The following HSP90AA1 variants were observed in gnomAD, a reference collection of about 807,000 sequenced individuals.
HSP90AA1 encodes heat shock protein HSP 90-alpha.
A neutral mutation model predicts 73.3 loss-of-function variants in HSP90AA1; 18 were observed. The ratio of observed to expected loss-of-function variants is 0.25; its 90% CI spans 0.17 to 0.36. The LOEUF is 0.36. Among genes scored for constraint, HSP90AA1 ranks in the 10% least tolerant of loss-of-function variants. HSP90AA1 has a pLI of 1.00. For synonymous variants in HSP90AA1, 477 were observed against 296.9 expected, an observed-to-expected ratio of 1.61 and a Z score of -6.24; for missense variants, 704 against 874.2, an observed-to-expected ratio of 0.81 and a Z score of 2.45.
chr14:102,111,866 TG>T (rs1365449992), intron 1 of HSP90AA1, among the ~76,000 whole-genome samples: 4 of 152,206 alleles, frequency 2.6e-5, no homozygotes, highest in Non-Finnish European at 5.9e-5. Context: ...TTCCTACTTG[TG>T]TTATGGTTTT....
chr14:102,126,464 C>A (rs1360012566), intron 1 of HSP90AA1, among the ~76,000 whole-genome samples: 1 of 152,136 alleles, frequency 6.6e-6, no homozygotes, highest in East Asian at 1.9e-4. Context: ...AAGAATGGCT[C>A]CTCCTCTCAA....
rs975102386 is a variant in HSP90AA1, at chr14:102,087,022, C to A, written c.-37G>T. ...GACCGCACAGGACCAACGGCACAGC[C>A]ACACCGGGACGCTGAAGCAACTGAC... is the stretch of plus-strand genomic sequence containing the variant. On this transcript the variant is annotated 5_prime_UTR_variant, in exon 1 of 11. Transcript: ENST00000216281. 26 of 985,230 alleles carry A rather than the reference C, an allele frequency of 2.6e-5. No homozygotes were observed. Among genetic ancestry groups the A allele is most frequent in the Non-Finnish European group, 3.0e-5 (25 of 830,068 alleles). 61.0% of individuals were successfully genotyped at this position (985,230 alleles called of 1,614,324 possible).
At chr14:102,102,401 A>G (rs2049506014) in intron 1 of HSP90AA1, among the ~76,000 whole-genome samples, 1 of 152,086 alleles carries the variant, frequency 6.6e-6, no homozygotes, top group Non-Finnish European at 1.5e-5. Flanking sequence ...AAAAACTAGA[A>G]CTTAGTTGTT....
chr14:102,136,856 C>T (rs546722943), intron 1 of HSP90AA1, among the ~76,000 whole-genome samples: 1 of 147,308 alleles, frequency 6.8e-6, no homozygotes, highest in Admixed American at 6.9e-5. Context: ...CCATTGCACT[C>T]AAGCCTGGGG....
At chr14:102,133,727 C>G (rs1267521095) in intron 1 of HSP90AA1, among the ~76,000 whole-genome samples, 1 of 152,116 alleles carries the variant, frequency 6.6e-6, no homozygotes, top group Non-Finnish European at 1.5e-5. Context: ...AGATGATCCG[C>G]CCGCCTCAGC....
At chr14:102,090,242 G>A (rs892874219), upstream of HSP90AA1, among the ~76,000 whole-genome samples, 20 of 152,014 alleles carry the variant, frequency 1.3e-4, no homozygotes, top group African/African-American at 4.1e-4. Context: ...TGGATCTTCT[G>A]CTCACACATT....
exon 2 of HSP90AA1, chr14:102,102,018 A>T (rs374711937): frequency 8.1e-6 from 13 of 1,614,030 alleles, no homozygotes; most frequent in South Asian, 5.5e-5. Flanking sequence ...AGAGTGGTGG[A>T]TCCAGACACC....
intron 1 of HSP90AA1, among the ~76,000 whole-genome samples, chr14:102,137,821 C>T (rs535473289): frequency 1.3e-5 from 2 of 151,674 alleles, no homozygotes; most frequent in East Asian, 3.9e-4. Context: ...TCAAGACCAT[C>T]CTGGCCAACA....
At chr14:102,100,582 T>A (rs1324330416) in intron 2 of HSP90AA1, among the ~76,000 whole-genome samples, 4 of 152,168 alleles carry the variant, frequency 2.6e-5, no homozygotes, top group Non-Finnish European at 5.9e-5. Context: ...TGCACCATCA[T>A]GCCCGCCTAA....
intron 3 of HSP90AA1, 48 bp downstream of exon 3, chr14:102,085,710 C>T (rs878893150): frequency 6.2e-7 from 1 of 1,612,702 alleles, no homozygotes; most frequent in African/African-American, 1.3e-5. Flanking sequence ...GGTTGCAGCA[C>T]CCCACCCTTC....
At chr14:102,091,203 G>A (rs1031379822), upstream of HSP90AA1, among the ~76,000 whole-genome samples, 2 of 152,094 alleles carry the variant, frequency 1.3e-5, no homozygotes, top group African/African-American at 4.8e-5. Flanking sequence ...AGGTGTCTTT[G>A]GTCCCACTGT....
At chr14:102,103,190 A>G (rs1217731003) in intron 1 of HSP90AA1, among the ~76,000 whole-genome samples, 8 of 138,178 alleles carry the variant, frequency 5.8e-5, no homozygotes, top group African/African-American at 2.5e-4. Context: ...CAAAAAAAAA[A>G]AAAAAAAAAA....
At chr14:102,134,390 T>C (rs1198347982) in intron 1 of HSP90AA1, among the ~76,000 whole-genome samples, 3 of 149,116 alleles carry the variant, frequency 2.0e-5, no homozygotes, top group East Asian at 3.9e-4. Context: ...ATTTATGCAG[T>C]AGGTAAGAAA....
chr14:102,118,697 G>A (rs1335282012), intron 1 of HSP90AA1, among the ~76,000 whole-genome samples: 3 of 151,924 alleles, frequency 2.0e-5, no homozygotes, highest in Admixed American at 6.6e-5. Context: ...AGGTGTATTT[G>A]AGTTTGTTTC....
At chr14:102,091,799 AT>A (rs1004883630), upstream of HSP90AA1, among the ~76,000 whole-genome samples, 1 of 151,218 alleles carries the variant, frequency 6.6e-6, no homozygotes, top group African/African-American at 2.4e-5. Context: ...GCTAAATTTT[AT>A]TTTTTTTGTA....
chr14:102,084,748 G>A lies in HSP90AA1; in HGVS notation c.914C>T (p.Thr305Ile), dbSNP rs1401011979. The A allele has an allele frequency of 1.3e-5, 21 of 1,614,038 alleles. No individual in the cohort carries two copies. The highest frequency in any genetic ancestry group is 4.5e-5 in the East Asian group (2 of 44,894). ...ATAGAATTCTCCGTACTCCTCATTA[G>A]TAATATCGTCGGGATTTCTGGTCCA... The part of the protein sequence containing the change: ...PIWTRNPDDI[T>I]NEEYGEFYKS... Residue 305 changes from threonine (T) to isoleucine (I), a missense_variant, in exon 5 of 11, where the codon ACT becomes ATT. Physicochemically the swap from Thr to Ile is moderately conservative, Grantham distance 89. Transcript: ENST00000216281.
In HSP90AA1 at chr14:102,085,379, T is replaced by C. The variant is rs1039201366; in HGVS notation, c.582A>G (p.Gln194=). ...TTCTTCGTTCCTCCAAGTACTCAGT[T>C]TGGTCTTCTTTCAGGTGTAGGATAA... The part of the protein sequence containing the change: ...TKVILHLKED[Q]TEYLEERRIK... Residue 194 remains glutamine, a synonymous_variant, in exon 4 of 11, where the codon CAA becomes CAG. Transcript: ENST00000216281. 6.2e-7 allele frequency: 1 copy of C among 1,613,524 alleles called. No individual in the cohort carries two copies. The highest frequency in any genetic ancestry group is 8.5e-7 in the Non-Finnish European group (1 of 1,179,428).
At chr14:102,138,958 A>G (rs927566145) in intron 1 of HSP90AA1, among the ~76,000 whole-genome samples, 4 of 151,198 alleles carry the variant, frequency 2.6e-5, no homozygotes, top group African/African-American at 7.3e-5. Context: ...AGGCTTCTGG[A>G]AAAAAAAACA....
At chr14:102,137,134 A>C (rs2050010928) in intron 1 of HSP90AA1, among the ~76,000 whole-genome samples, 1 of 151,542 alleles carries the variant, frequency 6.6e-6, no homozygotes, top group Non-Finnish European at 1.5e-5. Context: ...GAATTGCTTG[A>C]ACTTGGGAGG....
Sources: gnomAD v4.1 joint callset for allele counts (sites outside exome capture counted in the v4.1 genomes callset) on GRCh38, gnomAD v4.1.1 for gene constraint, MANE v1.5 for transcripts, NCBI Gene and HGNC (gene_info 2026-07-23, HGNC 2026-07-21) for gene names.